The following CPSF3 variants were observed in gnomAD, a reference collection of about 807,000 sequenced individuals.
The protein encoded by CPSF3 is cleavage and polyadenylation specific factor 3.
In CPSF3, 57 loss-of-function variants were observed where a neutral mutation model predicts 84.1. The observed-to-expected ratio is 0.68, with a 90% confidence interval of 0.55 to 0.85. The LOEUF (loss-of-function observed/expected upper bound fraction) is 0.85. Among genes scored for constraint, CPSF3 ranks in the 40% least tolerant of loss-of-function variants. The probability of loss-of-function intolerance (pLI) is 0.00; values close to 1 mark genes in which losing one functional copy is unlikely to be tolerated. For synonymous variants in CPSF3, 275 were observed against 278.1 expected, an observed-to-expected ratio of 0.99 and a Z score of 0.11; for missense variants, 522 against 838.8, an observed-to-expected ratio of 0.62 and a Z score of 4.66.
intron 6 of CPSF3, among the ~76,000 whole-genome samples, chr2:9,434,281 A>G (rs1449631877): frequency 2.0e-5 from 3 of 152,080 alleles, no homozygotes; most frequent in East Asian, 1.9e-4. Flanking sequence ...AGGCACAAGA[A>G]TCACTTGAAC....
chr2:9,446,754 C>CAA (rs139071454), intron 10 of CPSF3, among the ~76,000 whole-genome samples: 7 of 143,162 alleles, frequency 4.9e-5, no homozygotes, highest in South Asian at 2.2e-4. Context: ...AAGACTGTCT[C>CAA]AAAAAAAAAA....
chr2:9,438,500 CTTT>C (rs60728053), intron 7 of CPSF3, among the ~76,000 whole-genome samples: 3 of 130,354 alleles, frequency 2.3e-5, no homozygotes, highest in Admixed American at 7.8e-5. Flanking sequence ...AATATATATT[CTTT>C]TTTTTTTTTT....
chr2:9,438,715 C>T (rs1175330636), intron 7 of CPSF3, among the ~76,000 whole-genome samples: 2 of 151,664 alleles, frequency 1.3e-5, no homozygotes, highest in Non-Finnish European at 2.9e-5. Flanking sequence ...AGGCTGGTCT[C>T]GTTAGTATAT....
At chr2:9,471,634 A>G (rs1365506730) in intron 17 of CPSF3, among the ~76,000 whole-genome samples, 195 bp downstream of exon 17, 2 of 152,034 alleles carry the variant, frequency 1.3e-5, no homozygotes, top group Non-Finnish European at 2.9e-5. Flanking sequence ...GTTACTGCAT[A>G]GTACAAGGTT....
intron 10 of CPSF3, among the ~76,000 whole-genome samples, chr2:9,446,577 T>G (rs1681132514): frequency 1.0e-5 from 1 of 95,856 alleles, no homozygotes; most frequent in Non-Finnish European, 2.1e-5. Context: ...CGAGACTCGG[T>G]CTCAAAAAAA....
At chr2:9,444,959 C>G (rs1200311858) in intron 10 of CPSF3, among the ~76,000 whole-genome samples, 1 of 152,190 alleles carries the variant, frequency 6.6e-6, no homozygotes, top group Non-Finnish European at 1.5e-5. Context: ...AGCCACTGCA[C>G]CTGGCCTTGC....
chr2:9,451,378 C>T (rs1376175785), intron 11 of CPSF3, among the ~76,000 whole-genome samples: 2 of 152,142 alleles, frequency 1.3e-5, no homozygotes, highest in African/African-American at 2.4e-5. Flanking sequence ...TGCTGTTTGC[C>T]CTTACTTGCT....
intron 15 of CPSF3, among the ~76,000 whole-genome samples, chr2:9,462,536 G>A (rs1477422066): frequency 1.3e-5 from 2 of 152,108 alleles, no homozygotes; most frequent in African/African-American, 2.4e-5. Flanking sequence ...TCTGATGAGG[G>A]CTCTGCCTAG....
intron 10 of CPSF3, among the ~76,000 whole-genome samples, chr2:9,445,968 G>A (rs984953882): frequency 3.9e-5 from 6 of 152,188 alleles, no homozygotes; most frequent in African/African-American, 1.2e-4. Flanking sequence ...CTTCATGACC[G>A]ACAGCTGTTC....
chr2:9,473,020 C>G lies in CPSF3; in HGVS notation c.*3C>G, dbSNP rs751215454. 2 of 1,605,812 alleles carry G rather than the reference C, an allele frequency of 1.2e-6. No homozygotes were observed. The highest frequency in any genetic ancestry group is 1.7e-6 in the Non-Finnish European group (2 of 1,173,086). The stretch of plus-strand genomic sequence containing the variant: ...AGGCCCTGACGCCAGTTCACTGAGA[C>G]TGTGCCTGTATATGAACTTTGAAAA... On this transcript the variant is annotated 3_prime_UTR_variant, in exon 18 of 18. Transcript: ENST00000238112.
intron 9 of CPSF3, among the ~76,000 whole-genome samples, chr2:9,443,192 A>G (rs544677912): frequency 6.6e-6 from 1 of 152,326 alleles, no homozygotes; most frequent in East Asian, 1.9e-4. Flanking sequence ...ATAGAAATAT[A>G]TCCACATATC....
intron 11 of CPSF3, among the ~76,000 whole-genome samples, chr2:9,451,716 CTTTT>C (rs35559032): frequency 1.6e-5 from 2 of 128,852 alleles, no homozygotes; most frequent in Non-Finnish European, 1.6e-5. Context: ...ATAAATGAAA[CTTTT>C]TTTTTTTTTT....
At position 9,443,510 on chromosome 2, in the gene CPSF3, C is replaced by T; in HGVS notation, c.1096-5C>T. The stretch of plus-strand genomic sequence containing the variant: ...TGTTTTGTTATTTTTCTTTATTTTC[C>T]ACAGCACATCATGTCTGAACCTGAA... On this transcript the variant is annotated splice_polypyrimidine_tract_variant and splice_region_variant and intron_variant, in intron 9 of 17. Transcript: ENST00000238112. 2 of 1,598,640 alleles carry T rather than the reference C, an allele frequency of 1.3e-6. No individual in the cohort carries two copies. Among genetic ancestry groups the T allele is most frequent in the South Asian group, 1.1e-5 (1 of 89,104 alleles).
At chr2:9,467,889 C>A in intron 16 of CPSF3, 113 bp downstream of exon 16, 1 of 785,790 alleles carries the variant, frequency 1.3e-6, no homozygotes, top group Non-Finnish European at 2.1e-6. Flanking sequence ...CAGGCCACTG[C>A]CATGCTCGGA....
chr2:9,443,830 T>C (rs1481720026), intron 10 of CPSF3, among the ~76,000 whole-genome samples, 169 bp downstream of exon 10: 1 of 152,238 alleles, frequency 6.6e-6, no homozygotes, highest in East Asian at 1.9e-4. Context: ...CCCCTTTGAT[T>C]TCAGCAAGCT....
chr2:9,464,026 G>C (rs1681820380), intron 15 of CPSF3, among the ~76,000 whole-genome samples: 1 of 152,064 alleles, frequency 6.6e-6, no homozygotes, highest in South Asian at 2.1e-4. Flanking sequence ...TGACACTTCA[G>C]TCCAGATTCT....
intron 1 of CPSF3, among the ~76,000 whole-genome samples, chr2:9,428,431 A>G (rs532935819): frequency 6.8e-4 from 103 of 152,356 alleles, no homozygotes; most frequent in South Asian, 1.2e-3. Flanking sequence ...GCTAGTTTAC[A>G]TTTTAAATAC....
intron 10 of CPSF3, among the ~76,000 whole-genome samples, chr2:9,446,600 A>AAG (rs1681134899): frequency 1.3e-5 from 2 of 148,506 alleles, no homozygotes; most frequent in African/African-American, 5.1e-5. Context: ...AAAAAAAAAA[A>AAG]GTATAAAAAT....
chr2:9,469,039 G>T (rs1394102301), intron 16 of CPSF3, among the ~76,000 whole-genome samples: 1 of 152,144 alleles, frequency 6.6e-6, no homozygotes, highest in Non-Finnish European at 1.5e-5. Context: ...TTGTCATTTT[G>T]ATTTTAAAGA....
Sources: gnomAD v4.1 joint callset for allele counts (sites outside exome capture counted in the v4.1 genomes callset) on GRCh38, gnomAD v4.1.1 for gene constraint, MANE v1.5 for transcripts, NCBI Gene and HGNC (gene_info 2026-07-23, HGNC 2026-07-21) for gene names.